The following TLL1 variants were observed in gnomAD, a reference collection of about 807,000 sequenced individuals.
TLL1 encodes tolloid-like protein 1.
Under a neutral mutation model 128.2 loss-of-function variants are expected in TLL1, and 49 were observed. The ratio of observed to expected loss-of-function variants is 0.38; its 90% CI spans 0.30 to 0.48. TLL1 has a LOEUF of 0.48. Ranked by LOEUF, TLL1 falls within the 20% of genes least tolerant of loss-of-function variation. The pLI is 0.96. For missense variants in TLL1, 1,123 were observed against 1,242.0 expected (o/e 0.90, Z 1.44); for synonymous variants, 454 against 418.8 (o/e 1.08, Z -1.03).
At chr4:165,934,578 G>T (rs1733681565) in intron 1 of TLL1, among the ~76,000 whole-genome samples, 1 of 152,194 alleles carries the variant, frequency 6.6e-6, no homozygotes, top group Admixed American at 6.5e-5. Context: ...AAGTGTCCCA[G>T]TGTGCTGATG....
intron 7 of TLL1, among the ~76,000 whole-genome samples, chr4:166,011,254 A>G (rs1579620588): frequency 6.6e-6 from 1 of 151,476 alleles, no homozygotes; most frequent in East Asian, 1.9e-4. Context: ...GGATGTATTA[A>G]CATCTTAACA....
At chr4:165,975,792 C>A (rs887656355) in intron 1 of TLL1, among the ~76,000 whole-genome samples, 2 of 151,986 alleles carry the variant, frequency 1.3e-5, no homozygotes, top group African/African-American at 4.8e-5. Context: ...AATCTCAGCA[C>A]TTTGGGAGGC....
intron 9 of TLL1, among the ~76,000 whole-genome samples, chr4:166,027,401 T>G (rs142932418): frequency 6.6e-6 from 1 of 152,184 alleles, no homozygotes; most frequent in East Asian, 1.9e-4. Flanking sequence ...TGATGATAAC[T>G]GAATGGTATT....
intron 1 of TLL1, among the ~76,000 whole-genome samples, chr4:165,989,144 A>T (rs1308774267): frequency 1.3e-5 from 2 of 152,022 alleles, no homozygotes; most frequent in Non-Finnish European, 1.5e-5. Flanking sequence ...TATTCAAGGA[A>T]ACTACTTTCC....
At chr4:166,065,951 T>C (rs543547553) in intron 16 of TLL1, 88 bp downstream of exon 16, 1 of 1,421,558 alleles carries the variant, frequency 7.0e-7, no homozygotes, top group Admixed American at 1.7e-5. Context: ...TTCATAGTTT[T>C]CTGTAAATGC....
chr4:166,026,675 G>A (rs1447091887), intron 9 of TLL1, among the ~76,000 whole-genome samples: 1 of 150,948 alleles, frequency 6.6e-6, no homozygotes. Flanking sequence ...CGATAAGAGC[G>A]AAACTCTGTC....
In TLL1 at chr4:166,091,249, A is replaced by C. The variant is rs774395898; in HGVS notation, c.2564A>C (p.Asp855Ala). 6.2e-7 allele frequency: 1 copy of C among 1,613,164 alleles called. No individual in the cohort carries two copies. The highest frequency in any genetic ancestry group is 8.5e-7 in the Non-Finnish European group (1 of 1,179,514). ...LGRLCGNKIP[D>A]PLVATGNKMF... The stretch of plus-strand genomic sequence containing the variant: ...CGACTGTGTGGCAACAAGATACCAG[A>C]TCCCCTTGTGGCTACTGGAAATAAA... Residue 855 changes from aspartate (D) to alanine (A), a missense_variant, in exon 19 of 21, where the codon GAT (aspartate) becomes GCT (alanine). By Grantham distance (126) the Asp-to-Ala change is moderately radical. Around this residue, in one of 3 missense-constraint regions of TLL1, gnomAD observed 634 missense variants for 672.4 expected, o/e 0.94. Transcript: ENST00000061240.
chr4:165,932,647 T>C (rs910135025), intron 1 of TLL1, among the ~76,000 whole-genome samples: 5 of 151,854 alleles, frequency 3.3e-5, no homozygotes, highest in African/African-American at 1.2e-4. Context: ...TTTTCTTCTT[T>C]TTTTTTTTAG....
At chr4:165,970,114 A>T (rs896903048) in intron 1 of TLL1, among the ~76,000 whole-genome samples, 3 of 151,766 alleles carry the variant, frequency 2.0e-5, no homozygotes, top group Non-Finnish European at 4.4e-5. Flanking sequence ...GCTGTAGAAG[A>T]CCTCTTTTTT....
At chr4:166,021,228 A>AC (rs969041040) in intron 8 of TLL1, among the ~76,000 whole-genome samples, 29 of 151,346 alleles carry the variant, frequency 1.9e-4, no homozygotes, top group South Asian at 8.3e-4. Context: ...AGATGCAAAA[A>AC]AAAAATGCAT....
At chr4:165,925,647 G>A (rs1733235133) in intron 1 of TLL1, among the ~76,000 whole-genome samples, 1 of 152,128 alleles carries the variant, frequency 6.6e-6, no homozygotes, top group African/African-American at 2.4e-5. Flanking sequence ...GTAAAGCAGT[G>A]GCAGAGTTTG....
chr4:166,041,586 A>G (rs1217558812), intron 10 of TLL1, among the ~76,000 whole-genome samples: 1 of 151,938 alleles, frequency 6.6e-6, no homozygotes, highest in Non-Finnish European at 1.5e-5. Flanking sequence ...GGCGTGAGCC[A>G]CTGTGCCTGG....
intron 3 of TLL1, among the ~76,000 whole-genome samples, chr4:165,993,654 GA>G (rs1736739331): frequency 6.6e-6 from 1 of 151,950 alleles, no homozygotes; most frequent in Non-Finnish European, 1.5e-5. Flanking sequence ...TGATAGATAA[GA>G]AAGAATAATC....
chr4:165,884,841 A>G (rs1339643829), intron 1 of TLL1, among the ~76,000 whole-genome samples: 5 of 152,176 alleles, frequency 3.3e-5, no homozygotes, highest in Admixed American at 6.5e-5. Flanking sequence ...GTCTCAAATA[A>G]TAATGATAAT....
chr4:165,994,740 G>A lies in TLL1; in HGVS notation c.514+207G>A, dbSNP rs151232097. Among the ~76,000 whole-genome samples the A allele has an allele frequency of 2.9e-4, 44 of 152,268 alleles. No homozygotes were observed. In the East Asian group the frequency reaches 8.3e-3, roughly 29 times the overall value. On this transcript the variant is annotated intron_variant, in intron 4 of 20. Transcript: ENST00000061240. ...TTGTGTTCTAAGAGTTTAAAGCACT[G>A]TTCTGGTTTTTAAACAGAGTTTCAG...
At chr4:165,960,165 C>T (rs965838831) in intron 1 of TLL1, among the ~76,000 whole-genome samples, 6 of 152,036 alleles carry the variant, frequency 3.9e-5, no homozygotes, top group East Asian at 1.9e-4. Context: ...GCAGATCCCA[C>T]GGATAAACAA....
chr4:166,020,524 TTC>T (rs1353191463), intron 8 of TLL1, among the ~76,000 whole-genome samples: 2 of 152,190 alleles, frequency 1.3e-5, no homozygotes, highest in African/African-American at 2.4e-5. Flanking sequence ...TTCTCAGATT[TTC>T]TCTCTTTTGG....
At chr4:165,894,839 A>AGTGTGTG (rs1554004436) in intron 1 of TLL1, among the ~76,000 whole-genome samples, 1 of 128,184 alleles carries the variant, frequency 7.8e-6, no homozygotes, top group African/African-American at 3.3e-5. Context: ...TTGTCAAATG[A>AGTGTGTG]TGAGTGTGTG....
At chr4:166,099,118 G>T (rs1470803431) in intron 19 of TLL1, among the ~76,000 whole-genome samples, 159 bp from the exon 20 acceptor site, 3 of 152,098 alleles carry the variant, frequency 2.0e-5, no homozygotes, top group African/African-American at 7.2e-5. Flanking sequence ...GGACACCCAT[G>T]ACACTATCTG....
Sources: gnomAD v4.1 joint callset for allele counts (sites outside exome capture counted in the v4.1 genomes callset) on GRCh38, gnomAD v4.1.1 for gene constraint, gnomAD v4.1.1 regional missense constraint, MANE v1.5 for transcripts, NCBI Gene and HGNC (gene_info 2026-07-23, HGNC 2026-07-21) for gene names.